ZPBP: variants seen among roughly 807,000 people sequenced by gnomAD.
ZPBP encodes zona pellucida binding protein.
In ZPBP, 26 loss-of-function variants were observed where a neutral mutation model predicts 44.8. The ratio of observed to expected loss-of-function variants is 0.58; its 90% CI spans 0.43 to 0.81. The LOEUF (loss-of-function observed/expected upper bound fraction) is 0.81, where lower values mean the gene tolerates loss of function less well. Ranked by LOEUF, ZPBP falls within the 30% of genes least tolerant of loss-of-function variation. The pLI is 0.00. For synonymous variants in ZPBP, 174 were observed against 153.2 expected, an observed-to-expected ratio of 1.14 and a Z score of -1.00; for missense variants, 409 against 434.0, an observed-to-expected ratio of 0.94 and a Z score of 0.51.
At chr7:49,953,065 GT>G (rs901092578) in intron 7 of ZPBP, among the ~76,000 whole-genome samples, 2 of 152,094 alleles carry the variant, frequency 1.3e-5, no homozygotes, top group African/African-American at 4.8e-5. Flanking sequence ...CCCTACAATT[GT>G]GAGCCTACAA....
At chr7:49,977,698 T>G (rs1796593602) in intron 7 of ZPBP, among the ~76,000 whole-genome samples, 1 of 152,172 alleles carries the variant, frequency 6.6e-6, no homozygotes, top group South Asian at 2.1e-4. Flanking sequence ...GAAAAAAAGT[T>G]GTCTAATTTA....
intron 1 of ZPBP, 150 bp downstream of exon 1, chr7:50,092,918 T>G: frequency 8.1e-7 from 1 of 1,227,976 alleles, no homozygotes; most frequent in Non-Finnish European, 1.1e-6. Flanking sequence ...TTGTACGACT[T>G]CCATAAAAAA....
chr7:49,840,685 C>A, the ZPBP span, among the ~76,000 whole-genome samples: 4 of 152,134 alleles, frequency 2.6e-5, no homozygotes, highest in Non-Finnish European at 5.9e-5. Context: ...TGCTTCAGTG[C>A]AGCTTCAAAA....
Position 50,089,650 on chromosome 7 carries a change from C to T in ZPBP, c.187G>A (p.Val63Met), listed in dbSNP as rs777664329. 3 of 1,610,594 alleles carry T rather than the reference C, an allele frequency of 1.9e-6. No individual in the cohort carries two copies. Among genetic ancestry groups the T allele is most frequent in the East Asian group, 2.2e-5 (1 of 44,776 alleles). ...ATACCTGGAAAACTTGTTGATCCCA[C>T]TATTTTCACTGAATCTTTGGTCAAG... The part of the protein sequence containing the change: ...FRLTKDSVKI[V>M]GSTSFPVKAY... The change falls in exon 2 of 8, where the codon GTG (valine) becomes ATG (methionine). Residue 63 changes from valine to methionine, a missense_variant. Physicochemically the swap from Val to Met is conservative, Grantham distance 21 (BLOSUM62 1). Transcript: ENST00000046087.
intron 5 of ZPBP, among the ~76,000 whole-genome samples, chr7:50,022,755 A>C (rs970648376): frequency 6.6e-6 from 1 of 152,086 alleles, no homozygotes; most frequent in Non-Finnish European, 1.5e-5. Flanking sequence ...GCTTCCAAAA[A>C]TGTAGAGGCA....
intron 7 of ZPBP, among the ~76,000 whole-genome samples, chr7:49,970,615 C>T (rs966691446): frequency 2.7e-5 from 4 of 150,846 alleles, no homozygotes; most frequent in African/African-American, 9.7e-5. Context: ...GTGTATTTTC[C>T]AGTCAGAGCA....
At chr7:50,065,863 G>T (rs1801477119) in intron 3 of ZPBP, among the ~76,000 whole-genome samples, 2 of 151,002 alleles carry the variant, frequency 1.3e-5, no homozygotes, top group Admixed American at 6.6e-5. Context: ...GAACTCCAAG[G>T]CCTGTTCCTT....
chr7:49,883,659 C>G (rs1317724952), intron 2 of ZPBP, among the ~76,000 whole-genome samples: 1 of 152,088 alleles, frequency 6.6e-6, no homozygotes, highest in Non-Finnish European at 1.5e-5. Context: ...GAAAAATTGA[C>G]AGAAAAAGAG....
At chr7:50,061,812 C>T (rs929159705) in intron 3 of ZPBP, among the ~76,000 whole-genome samples, 2 of 152,104 alleles carry the variant, frequency 1.3e-5, no homozygotes, top group Non-Finnish European at 2.9e-5. Context: ...GAGAATCGCT[C>T]GAACCTGAGA....
At chr7:49,968,206 T>C (rs1301866813) in intron 7 of ZPBP, among the ~76,000 whole-genome samples, 2 of 152,016 alleles carry the variant, frequency 1.3e-5, no homozygotes, top group Admixed American at 6.5e-5. Flanking sequence ...AATTCAGTAA[T>C]GTGTGTGATC....
At position 49,981,310 on chromosome 7, in the gene ZPBP, TATATTATATA is replaced by T. The variant is rs1264193238; in HGVS notation, c.961+2022_961+2031del. On this transcript the variant is annotated intron_variant, in intron 7 of 7. Transcript: ENST00000046087. Reference sequence around the variant, plus strand: ...ATATAATATATATTATATATAATTATATATTATATAATATATATTATAATTATATATATTA... The same window carrying T: ...ATATAATATATATTATATATAATTATATATATATTATAATTATATATATTA... Among the ~76,000 whole-genome samples the T allele has an allele frequency of 1.4e-3, 79 of 58,126 alleles. 3 individuals carry two copies. Among genetic ancestry groups the T allele is most frequent in the South Asian group, 7.8e-3 (15 of 1,924 alleles). The allele number at this position is 58,126 out of a possible 152,430, so 38.1% of individuals were successfully genotyped here.
At chr7:50,006,949 T>C (rs1284164959) in intron 6 of ZPBP, among the ~76,000 whole-genome samples, 1 of 151,992 alleles carries the variant, frequency 6.6e-6, no homozygotes, top group Admixed American at 6.6e-5. Context: ...AAAATTCATA[T>C]GTTGAAACTT....
chr7:50,089,788 ATTGG>A (rs1288441953), intron 1 of ZPBP, 79 bp from the exon 2 acceptor site: 1 of 1,164,688 alleles, frequency 8.6e-7, no homozygotes. Flanking sequence ...TATCTTTGGT[ATTGG>A]TTGAAGGGGA....
chr7:50,090,592 T>C (rs1584212059), intron 1 of ZPBP, among the ~76,000 whole-genome samples: 1 of 147,156 alleles, frequency 6.8e-6, no homozygotes, highest in Admixed American at 7.0e-5. Context: ...TGTATATATA[T>C]GCGTATATAT....
chr7:49,848,365 C>G (rs1261595907), downstream of ZPBP, among the ~76,000 whole-genome samples: 2 of 152,210 alleles, frequency 1.3e-5, no homozygotes, highest in African/African-American at 4.8e-5. Flanking sequence ...TCCCCACTGA[C>G]AAGAGGAAGC....
intron 2 of ZPBP, among the ~76,000 whole-genome samples, chr7:49,882,188 G>A (rs540591115): frequency 6.8e-4 from 104 of 152,238 alleles, no homozygotes; most frequent in African/African-American, 2.3e-3. Flanking sequence ...TAATTTAAAA[G>A]AGAACAAAAC....
intron 3 of ZPBP, among the ~76,000 whole-genome samples, chr7:50,064,212 G>A (rs1359742917): frequency 1.3e-5 from 2 of 152,092 alleles, no homozygotes; most frequent in African/African-American, 4.8e-5. Flanking sequence ...TTTTTATTAG[G>A]GATTTTCAAA....
intron 3 of ZPBP, among the ~76,000 whole-genome samples, chr7:50,059,953 G>A (rs1362548104): frequency 1.1e-4 from 16 of 152,160 alleles, no homozygotes; most frequent in Admixed American, 1.0e-3. Context: ...AGCACACTCT[G>A]AGCAGATCTT....
chr7:49,917,176 T>C (rs1051600093), intron 1 of ZPBP: 5 of 152,210 alleles, frequency 3.3e-5, no homozygotes, highest in African/African-American at 1.2e-4. Flanking sequence ...CTGAGTCATT[T>C]GTACAGAAAT....
Sources: allele counts gnomAD v4.1 joint callset (sites outside exome capture counted in the v4.1 genomes callset), GRCh38; gene constraint gnomAD v4.1.1; transcripts MANE v1.5; gene names NCBI Gene and HGNC (gene_info 2026-07-23, HGNC 2026-07-21).